The following KCNMA1 variants were observed in gnomAD, a reference collection of about 807,000 sequenced individuals.
KCNMA1 encodes the protein Calcium-activated potassium channel subunit alpha-1.
KCNMA1 carries 29 observed loss-of-function variants against 140.0 expected under a neutral mutation model. That is an observed-to-expected ratio of 0.21 (90% CI 0.15 to 0.28). The LOEUF (loss-of-function observed/expected upper bound fraction) is 0.28, where lower values mean the gene tolerates loss of function less well. Ranked by LOEUF, KCNMA1 falls within the 10% of genes least tolerant of loss-of-function variation. KCNMA1 has a pLI of 1.00. For synonymous variants in KCNMA1, 612 were observed against 611.9 expected (o/e 1.00, Z 0.00); for missense variants, 880 against 1,602.2 (o/e 0.55, Z 7.70).
At chr10:77,306,870 A>G (rs986163892) in intron 2 of KCNMA1, among the ~76,000 whole-genome samples, 1 of 152,238 alleles carries the variant, frequency 6.6e-6, no homozygotes, top group Non-Finnish European at 1.5e-5. Flanking sequence ...GGAGGTGCAC[A>G]GTAGATAATG....
At chr10:77,443,129 G>A (rs2097444950) in intron 1 of KCNMA1, among the ~76,000 whole-genome samples, 1 of 152,206 alleles carries the variant, frequency 6.6e-6, no homozygotes, top group Non-Finnish European at 1.5e-5. Context: ...AGCCCATGGG[G>A]GCCACCATCA....
rs913010464 is a variant in KCNMA1 at position 76,885,262 on chromosome 10, G to A, written c.*2004C>T. The A allele has an allele frequency of 5.1e-5, 27 of 533,720 alleles. No homozygotes were observed. Among genetic ancestry groups the A allele is most frequent in the African/African-American group, 2.7e-4 (13 of 47,314 alleles). 33.1% of individuals were successfully genotyped at this position (533,720 alleles called of 1,614,324 possible). On this transcript the variant is annotated 3_prime_UTR_variant, in exon 28 of 28. Transcript: ENST00000286628. ...AGTTATATATATATAATTATATATA[G>A]TTTATATAAAGAGATAGTTATACAT...
chr10:77,213,874 C>T (rs1281902611), intron 3 of KCNMA1, among the ~76,000 whole-genome samples: 4 of 152,176 alleles, frequency 2.6e-5, no homozygotes, highest in East Asian at 1.9e-4. Context: ...CGCCTGTTCA[C>T]GTGCTCCCCA....
At chr10:77,611,645 T>C (rs919685745) in intron 1 of KCNMA1, among the ~76,000 whole-genome samples, 2 of 150,848 alleles carry the variant, frequency 1.3e-5, no homozygotes, top group Non-Finnish European at 3.0e-5. Flanking sequence ...CATTTTTTTT[T>C]CCAAGCTTCT....
intron 1 of KCNMA1, among the ~76,000 whole-genome samples, chr10:77,419,195 A>G (rs1288670104): frequency 1.3e-5 from 2 of 152,116 alleles, no homozygotes; most frequent in South Asian, 4.2e-4. Flanking sequence ...TTCCTTTTAC[A>G]TCTCAGAAGT....
At chr10:77,120,028 T>G (rs1436569655) in intron 6 of KCNMA1, among the ~76,000 whole-genome samples, 1 of 152,252 alleles carries the variant, frequency 6.6e-6, no homozygotes. Flanking sequence ...AAAATGATGC[T>G]GAATCTAATC....
In KCNMA1 at chr10:77,583,363, A is replaced by ACAAATCAC. The variant is rs571311480; in HGVS notation, c.378+53901_378+53902insGTGATTTG. On this transcript the variant is annotated intron_variant, in intron 1 of 27. Transcript: ENST00000286628. ...AATGGCTGCTGGAATCCAGGTCCTG[A>ACAAATCAC]CAAATAGAGACTTGATAGAGCATGG... 3.0e-4 allele frequency among the ~76,000 whole-genome samples: 45 copies of ACAAATCAC among 152,350 alleles called. No individual in the cohort carries two copies. In the East Asian group the frequency reaches 8.3e-3, roughly 28 times the overall value.
intron 25 of KCNMA1, among the ~76,000 whole-genome samples, chr10:76,909,149 C>G (rs1220941835): frequency 1.3e-5 from 2 of 152,220 alleles, no homozygotes; most frequent in African/African-American, 4.8e-5. Flanking sequence ...ACTTCAGTCT[C>G]AGTGACAGGC....
chr10:77,411,461 G>C (rs2096616598), intron 1 of KCNMA1, among the ~76,000 whole-genome samples: 1 of 152,144 alleles, frequency 6.6e-6, no homozygotes, highest in Admixed American at 6.5e-5. Context: ...CTATGACGTT[G>C]GTACTAATGT....
intron 1 of KCNMA1, among the ~76,000 whole-genome samples, chr10:77,633,335 G>GGAGA (rs373296990): frequency 6.6e-6 from 1 of 151,364 alleles, no homozygotes; most frequent in Non-Finnish European, 1.5e-5. Context: ...ATTAATAAAA[G>GGAGA]GAGAGAGAGA....
chr10:77,173,622 C>T (rs1423700987), intron 5 of KCNMA1, among the ~76,000 whole-genome samples: 1 of 152,218 alleles, frequency 6.6e-6, no homozygotes, highest in Non-Finnish European at 1.5e-5. Flanking sequence ...AACCCCCACT[C>T]TCCTAAGGAC....
Position 77,439,133 on chromosome 10 carries a change from AAGAGAAGAGAAG to A in KCNMA1, c.379-35122_379-35111del, listed in dbSNP as rs1233524881. On this transcript the variant is annotated intron_variant, in intron 1 of 27. Coordinates refer to ENST00000286628, the MANE Select transcript of KCNMA1 (RefSeq NM_001161352.2). ...AAGAGAAGAGAAGAGAAGAGAAGAGAAGAGAAGAGAAGAGAAAAGAGAAGAGAAGAAAAGAAA... is the reference window on the plus strand; with the variant it reads ...AAGAGAAGAGAAGAGAAGAGAAGAGAAGAAAAGAGAAGAGAAGAAAAGAAA... Among the ~76,000 whole-genome samples the A allele has an allele frequency of 3.4e-3, 488 of 145,084 alleles. 4 individuals are homozygous for A. Among genetic ancestry groups the A allele is most frequent in the East Asian group, 0.015 (76 of 4,974 alleles).
chr10:77,384,779 T>C (rs1030661164), intron 2 of KCNMA1, among the ~76,000 whole-genome samples: 2 of 152,252 alleles, frequency 1.3e-5, no homozygotes, highest in Non-Finnish European at 1.5e-5. Context: ...TCACTTTCTA[T>C]GGCAAGCCTC....
Position 77,472,312 on chromosome 10 carries a change from G to C in KCNMA1, c.379-68289C>G, listed in dbSNP as rs572790593. On this transcript the variant is annotated intron_variant, in intron 1 of 27. Coordinates refer to ENST00000286628, the MANE Select transcript of KCNMA1 (RefSeq NM_001161352.2). ...GTCACACACACATCACACACACACA[G>C]AGAGCGTACATACTAAACACACATC... Among the ~76,000 whole-genome samples, 163 of 144,878 alleles carry C rather than the reference G, an allele frequency of 1.1e-3. 1 individual carries two copies. The highest frequency in any genetic ancestry group is 1.8e-3 in the South Asian group (8 of 4,550).
At position 77,090,435 on chromosome 10, in the gene KCNMA1, C is replaced by T. The variant is rs773622528; in HGVS notation, c.1299G>A (p.Arg433=). Reference sequence around the variant, plus strand: ...AAACGATCTCCACATTGACGTCATCCCGGTCCTTGTGCAGAAAGTCCTTCA... The same window carrying T: ...AAACGATCTCCACATTGACGTCATCTCGGTCCTTGTGCAGAAAGTCCTTCA... The part of the protein sequence containing the change: ...NFLKDFLHKD[R]DDVNVEIVFL... The change falls in exon 10 of 28, where the codon CGG becomes CGA. Residue 433 remains arginine, a synonymous_variant. Coordinates refer to ENST00000286628, the MANE Select transcript of KCNMA1 (RefSeq NM_001161352.2). 4 of 1,613,896 alleles carry T rather than the reference C, an allele frequency of 2.5e-6. 1 individual carries two copies. In the South Asian group the frequency reaches 3.3e-5, roughly 13 times the overall value.
In KCNMA1 at chr10:77,519,869, G is replaced by A. The variant is rs536801358; in HGVS notation, c.379-115846C>T. On this transcript the variant is annotated intron_variant, in intron 1 of 27. Coordinates refer to ENST00000286628, the MANE Select transcript of KCNMA1 (RefSeq NM_001161352.2). ...GCAGTGTGAGAGTATGCAGTGTGAG[G>A]GTATACATGAGGTCTGCAGTATGCA... 6.6e-5 allele frequency among the ~76,000 whole-genome samples: 10 copies of A among 151,192 alleles called. 1 individual carries two copies. In the South Asian group the frequency reaches 2.1e-3, roughly 32 times the overall value.
At chr10:77,279,359 AG>A (rs2067652142) in intron 2 of KCNMA1, among the ~76,000 whole-genome samples, 1 of 152,204 alleles carries the variant, frequency 6.6e-6, no homozygotes, top group Admixed American at 6.5e-5. Context: ...CACTTGCTGC[AG>A]CGGAAGTGAA....
At chr10:77,470,962 C>T (rs932046894) in intron 1 of KCNMA1, among the ~76,000 whole-genome samples, 1 of 152,108 alleles carries the variant, frequency 6.6e-6, no homozygotes, top group African/African-American at 2.4e-5. Context: ...AGAGAGGCAG[C>T]CCGGCTCATC....
intron 1 of KCNMA1, among the ~76,000 whole-genome samples, chr10:77,627,782 TG>T (rs2092710260): frequency 6.6e-6 from 1 of 152,146 alleles, no homozygotes; most frequent in Non-Finnish European, 1.5e-5. Flanking sequence ...CATCGTAAGG[TG>T]GGTTTGTCCC....
Sources: allele counts gnomAD v4.1 joint callset (sites outside exome capture counted in the v4.1 genomes callset), GRCh38; gene constraint gnomAD v4.1.1; transcripts MANE v1.5; gene names NCBI Gene and HGNC (gene_info 2026-07-23, HGNC 2026-07-21).